The following RPS6KC1 variants were observed in gnomAD, a reference collection of about 807,000 sequenced individuals.
The protein encoded by RPS6KC1 is ribosomal protein S6 kinase C1.
RPS6KC1 carries 54 observed loss-of-function variants against 103.8 expected under a neutral mutation model. The observed-to-expected ratio is 0.52, with a 90% CI of 0.42 to 0.65. The LOEUF (loss-of-function observed/expected upper bound fraction) is 0.65. Among genes scored for constraint, RPS6KC1 ranks in the 30% least tolerant of loss-of-function variants. The pLI is 0.00. For missense variants in RPS6KC1, 1,151 were observed against 1,253.8 expected (o/e 0.92, Z 1.24); for synonymous variants, 439 against 438.7 (o/e 1.00, Z -0.01).
At chr1:213,456,357 C>A in the RPS6KC1 span, among the ~76,000 whole-genome samples, 1 of 152,078 alleles carries the variant, frequency 6.6e-6, no homozygotes, top group Non-Finnish European at 1.5e-5. Flanking sequence ...ATAGTCTGAC[C>A]AGCCCCTGGC....
At chr1:213,764,274 A>G in the RPS6KC1 span, among the ~76,000 whole-genome samples, 1 of 152,156 alleles carries the variant, frequency 6.6e-6, no homozygotes. Flanking sequence ...TAGACTTTGA[A>G]TCTCCTAAAG....
intron 6 of RPS6KC1, among the ~76,000 whole-genome samples, chr1:213,143,019 A>G (rs1391016710): frequency 1.3e-5 from 2 of 152,038 alleles, no homozygotes; most frequent in East Asian, 3.8e-4. Context: ...TATTTAGCAA[A>G]TTTAAAAGTA....
intron 10 of RPS6KC1, among the ~76,000 whole-genome samples, chr1:213,233,032 A>G (rs981584024): frequency 1.3e-5 from 2 of 152,220 alleles, no homozygotes; most frequent in Non-Finnish European, 2.9e-5. Context: ...TTATTTTTGT[A>G]TAACTATTGT....
intron 8 of RPS6KC1, among the ~76,000 whole-genome samples, chr1:213,218,789 A>C (rs974631335): frequency 1.2e-4 from 19 of 152,340 alleles, no homozygotes; most frequent in African/African-American, 4.6e-4. Context: ...CCTATTTAAT[A>C]AATGGTGCTG....
chr1:213,738,474 T>C, the RPS6KC1 span, among the ~76,000 whole-genome samples: 1 of 151,886 alleles, frequency 6.6e-6, no homozygotes, highest in Non-Finnish European at 1.5e-5. Context: ...GGATGTCCCA[T>C]GAAAAAGGAG....
chr1:213,275,083 T>C (rs938338051), downstream of RPS6KC1, among the ~76,000 whole-genome samples: 1 of 152,226 alleles, frequency 6.6e-6, no homozygotes, highest in African/African-American at 2.4e-5. Flanking sequence ...TTTGTCCTTA[T>C]TTCACTTAGC....
the RPS6KC1 span, among the ~76,000 whole-genome samples, chr1:213,767,914 G>A: frequency 6.6e-6 from 1 of 152,072 alleles, no homozygotes; most frequent in Admixed American, 6.6e-5. Context: ...CACACTACTG[G>A]TCACGCCGCA....
At chr1:213,660,506 C>T in the RPS6KC1 span, among the ~76,000 whole-genome samples, 1 of 152,190 alleles carries the variant, frequency 6.6e-6, no homozygotes, top group Non-Finnish European at 1.5e-5. Flanking sequence ...GTTGCTCATG[C>T]GCCTAATTTA....
chr1:213,861,275 CAACCTTATCCCAG>C, the RPS6KC1 span, among the ~76,000 whole-genome samples: 74 of 152,140 alleles, frequency 4.9e-4, no homozygotes, highest in Non-Finnish European at 8.1e-4. Flanking sequence ...AGGAGTGGTT[CAACCTTATCCCAG>C]GAAGCTAAAC....
intron 4 of RPS6KC1, among the ~76,000 whole-genome samples, chr1:213,110,556 C>G (rs551801967): frequency 2.6e-4 from 40 of 152,312 alleles, no homozygotes; most frequent in South Asian, 1.5e-3. Context: ...GCTTTGTGGT[C>G]AGCCAGTGCT....
intron 8 of RPS6KC1, among the ~76,000 whole-genome samples, chr1:213,217,873 C>G (rs1168255133): frequency 6.6e-6 from 1 of 152,122 alleles, no homozygotes; most frequent in South Asian, 2.1e-4. Flanking sequence ...GGATGTATCT[C>G]AAAATAATAA....
the RPS6KC1 span, among the ~76,000 whole-genome samples, chr1:213,433,987 A>G: frequency 6.6e-6 from 1 of 151,962 alleles, no homozygotes; most frequent in Non-Finnish European, 1.5e-5. Flanking sequence ...CTTTTATAGA[A>G]CTGCTTTTGT....
chr1:213,614,554 G>A, the RPS6KC1 span, among the ~76,000 whole-genome samples: 1 of 152,188 alleles, frequency 6.6e-6, no homozygotes, highest in Non-Finnish European at 1.5e-5. Flanking sequence ...TGTAAATCTT[G>A]TTCCAGTCGG....
the RPS6KC1 span, among the ~76,000 whole-genome samples, chr1:213,496,695 T>C: frequency 1.3e-4 from 19 of 151,154 alleles, no homozygotes; most frequent in African/African-American, 4.6e-4. Flanking sequence ...GAGGCGGAGG[T>C]TTCAGTGAGC....
At chr1:213,828,127 A>C in the RPS6KC1 span, among the ~76,000 whole-genome samples, 1 of 152,226 alleles carries the variant, frequency 6.6e-6, no homozygotes, top group Non-Finnish European at 1.5e-5. Flanking sequence ...TTCAGAGAGC[A>C]TTCAGCCTGG....
the RPS6KC1 span, among the ~76,000 whole-genome samples, chr1:213,363,640 T>C: frequency 5.9e-5 from 3 of 51,094 alleles, no homozygotes; most frequent in African/African-American, 3.3e-4. Context: ...CTTTCTTTCT[T>C]TCTTTCTTTC....
the RPS6KC1 span, among the ~76,000 whole-genome samples, chr1:213,430,842 C>T: frequency 1.3e-5 from 2 of 152,238 alleles, no homozygotes; most frequent in Non-Finnish European, 2.9e-5. Context: ...GCCATATGCA[C>T]ACATTAAATG....
chr1:213,343,032 T>C, the RPS6KC1 span, among the ~76,000 whole-genome samples: 2 of 151,872 alleles, frequency 1.3e-5, no homozygotes, highest in South Asian at 4.2e-4. Flanking sequence ...GTGATCCCTG[T>C]CTCAAAAAAA....
the RPS6KC1 span, among the ~76,000 whole-genome samples, chr1:213,363,890 T>G: frequency 6.6e-6 from 1 of 150,446 alleles, no homozygotes; most frequent in Non-Finnish European, 1.5e-5. Context: ...CTTCTACCTA[T>G]ATTTCATTGG....
Sources: gnomAD v4.1 joint callset for allele counts (sites outside exome capture counted in the v4.1 genomes callset) on GRCh38, gnomAD v4.1.1 for gene constraint, MANE v1.5 for transcripts, NCBI Gene and HGNC (gene_info 2026-07-23, HGNC 2026-07-21) for gene names.